The following DHRSX variants were observed in gnomAD, a reference collection of about 807,000 sequenced individuals.
DHRSX encodes the protein dehydrogenase/reductase X-linked.
A neutral mutation model predicts 34.0 loss-of-function variants in DHRSX; 31 were observed. The ratio of observed to expected loss-of-function variants is 0.91; its 90% CI spans 0.69 to 1.23. DHRSX has a LOEUF of 1.23. Ranked by LOEUF, DHRSX falls within the 50% of genes most tolerant of loss-of-function variation. DHRSX has a pLI of 0.00. For missense variants in DHRSX, 414 were observed against 428.1 expected (o/e 0.97, Z 0.29); for synonymous variants, 201 against 183.8 (o/e 1.09, Z -0.76).
chrX:2,225,263 GCA>G (rs200516636), intron 6 of DHRSX, among the ~76,000 whole-genome samples: 2,877 of 150,634 alleles, frequency 0.019, 87 homozygotes, highest in African/African-American at 0.065. Flanking sequence ...TCATTCACAT[GCA>G]CACAGCTCAC....
Position 2,417,791 on chromosome X carries a change from C to T in DHRSX, c.217+7406G>A, listed in dbSNP as rs555496911. On this transcript the variant is annotated intron_variant, in intron 2 of 6. Transcript: ENST00000334651. ...AATCACACCTCATAATGATCTAACT[C>T]AACCAGTCATCCTAATCTAATCCAA... 7.9e-5 allele frequency among the ~76,000 whole-genome samples: 12 copies of T among 152,246 alleles called. No homozygotes were observed. In the South Asian group the frequency reaches 1.7e-3, roughly 21 times the overall value.
intron 3 of DHRSX, among the ~76,000 whole-genome samples, chrX:2,373,747 C>G (rs919466637): frequency 7.0e-6 from 1 of 141,922 alleles, no homozygotes; most frequent in Admixed American, 6.7e-5. Flanking sequence ...ACAGTTCGCA[C>G]CCACATAGAG....
At chrX:2,498,953 A>C (rs1046541861) in intron 1 of DHRSX, among the ~76,000 whole-genome samples, 1 of 152,154 alleles carries the variant, frequency 6.6e-6, no homozygotes, top group Non-Finnish European at 1.5e-5. Flanking sequence ...ATTTGTAATT[A>C]TGCTAAGTGG....
chrX:2,271,931 C>T (rs927873051), intron 4 of DHRSX, among the ~76,000 whole-genome samples: 5 of 152,038 alleles, frequency 3.3e-5, no homozygotes, highest in African/African-American at 1.2e-4. Context: ...ATCCCAGCTA[C>T]TCGGGAAGCT....
Position 2,391,083 on chromosome X carries a change from C to T in DHRSX, c.286+17662G>A, listed in dbSNP as rs187493341. ...GAAGGACACAGTTTCTCTCCACCTTCGGGTTATTGTAAGTAATACTGCTGC... is the reference window on the plus strand; with the variant it reads ...GAAGGACACAGTTTCTCTCCACCTTTGGGTTATTGTAAGTAATACTGCTGC... On this transcript the variant is annotated intron_variant, in intron 3 of 6. Coordinates refer to ENST00000334651, the MANE Select transcript of DHRSX (RefSeq NM_145177.3). Among the ~76,000 whole-genome samples the T allele has an allele frequency of 4.0e-3, 603 of 152,340 alleles. 3 individuals are homozygous for T. Among genetic ancestry groups the T allele is most frequent in the African/African-American group, 0.014 (579 of 41,578 alleles).
chrX:2,363,979 GGAT>G (rs1328866439), intron 3 of DHRSX, among the ~76,000 whole-genome samples: 1 of 133,042 alleles, frequency 7.5e-6, no homozygotes, highest in Non-Finnish European at 1.8e-5. Context: ...CGGCTGGGTG[GGAT>G]GGAGGAGATA....
At chrX:2,346,052 T>C (rs1479741542) in intron 3 of DHRSX, among the ~76,000 whole-genome samples, 1 of 152,220 alleles carries the variant, frequency 6.6e-6, no homozygotes, top group Non-Finnish European at 1.5e-5. Flanking sequence ...AAGAAATTAG[T>C]AAGTTTTAGG....
intron 5 of DHRSX, among the ~76,000 whole-genome samples, chrX:2,245,481 T>G (rs2016254898): frequency 6.6e-6 from 1 of 151,576 alleles, no homozygotes; most frequent in African/African-American, 2.4e-5. Context: ...GCTAATTTTT[T>G]GTATTTTTAG....
At chrX:2,412,172 G>GC (rs1367947175) in intron 2 of DHRSX, among the ~76,000 whole-genome samples, 1 of 152,188 alleles carries the variant, frequency 6.6e-6, no homozygotes, top group Non-Finnish European at 1.5e-5. Flanking sequence ...CAGTGCATCT[G>GC]CCTTCTGCTT....
intron 3 of DHRSX, 74 bp downstream of exon 3, chrX:2,408,670 GC>G (rs1231260386): frequency 1.5e-6 from 2 of 1,342,020 alleles, no homozygotes; most frequent in East Asian, 4.7e-5. Flanking sequence ...CTGAAGCTCA[GC>G]CATGAACCAC....
chrX:2,370,203 A>T (rs144924552), intron 3 of DHRSX, among the ~76,000 whole-genome samples: 2,357 of 150,660 alleles, frequency 0.016, 64 homozygotes, highest in African/African-American at 0.055. Context: ...ACAGAGTCTC[A>T]CTCTGTCTCC....
In DHRSX at chrX:2,409,350, G is replaced by A. The variant is rs768235315; in HGVS notation, c.218-537C>T. 3.9e-5 allele frequency among the ~76,000 whole-genome samples: 6 copies of A among 152,110 alleles called. No homozygotes were observed. In the South Asian group the frequency reaches 1.2e-3, roughly 32 times the overall value. ...GCAGGTTGGTTACATAGGTATACAC[G>A]TGCCATGGCAGTTTGCTGCACCCAT... is the stretch of plus-strand genomic sequence containing the variant. On this transcript the variant is annotated intron_variant, in intron 2 of 6. Transcript: ENST00000334651.
intron 3 of DHRSX, among the ~76,000 whole-genome samples, chrX:2,332,562 T>TA (rs1360448530): frequency 2.0e-5 from 3 of 152,134 alleles, no homozygotes; most frequent in Non-Finnish European, 4.4e-5. Context: ...AAATAGGACT[T>TA]ATGTTTCCCA....
At chrX:2,237,585 A>T (rs2016045000) in intron 6 of DHRSX, among the ~76,000 whole-genome samples, 1 of 150,850 alleles carries the variant, frequency 6.6e-6, no homozygotes, top group Admixed American at 6.6e-5. Flanking sequence ...GGCTCACCAC[A>T]ATTTCCGCCC....
At chrX:2,346,320 A>ATG (rs2042711099) in intron 3 of DHRSX, among the ~76,000 whole-genome samples, 1 of 152,064 alleles carries the variant, frequency 6.6e-6, no homozygotes, top group Non-Finnish European at 1.5e-5. Flanking sequence ...TAAAAATGCA[A>ATG]TGTGCCATCC....
At chrX:2,467,628 TG>T (rs35832368) in intron 1 of DHRSX, among the ~76,000 whole-genome samples, 46,415 of 151,864 alleles carry the variant, frequency 0.31, 7,682 homozygotes, top group African/African-American at 0.45. Flanking sequence ...GGAAGACTCA[TG>T]TGTCATAGGT....
At chrX:2,287,586 G>A (rs1319231648) in intron 4 of DHRSX, among the ~76,000 whole-genome samples, 1 of 148,216 alleles carries the variant, frequency 6.7e-6, no homozygotes, top group Non-Finnish European at 1.5e-5. Context: ...CAGAATAATG[G>A]CCCCGAAGAT....
At chrX:2,458,292 A>G (rs192874727) in intron 1 of DHRSX, among the ~76,000 whole-genome samples, 2 of 152,248 alleles carry the variant, frequency 1.3e-5, no homozygotes, top group Admixed American at 6.5e-5. Flanking sequence ...AAAACATCAG[A>G]GCAAAGAATG....
chrX:2,383,393 T>C (rs2043236271), intron 3 of DHRSX, among the ~76,000 whole-genome samples: 1 of 151,478 alleles, frequency 6.6e-6, no homozygotes, highest in South Asian at 2.1e-4. Flanking sequence ...ACCATCGTCA[T>C]GATCATCACC....
Sources: gnomAD v4.1 joint callset for allele counts (sites outside exome capture counted in the v4.1 genomes callset) on GRCh38, gnomAD v4.1.1 for gene constraint, MANE v1.5 for transcripts, NCBI Gene and HGNC (gene_info 2026-07-23, HGNC 2026-07-21) for gene names.